PRPH: variants seen among roughly 807,000 people sequenced by gnomAD.
The protein encoded by PRPH is peripherin.
PRPH carries 48 observed loss-of-function variants against 52.6 expected under a neutral mutation model. The observed-to-expected ratio is 0.91, with a 90% CI of 0.72 to 1.16. The LOEUF is 1.16. Ranked by LOEUF, PRPH falls within the 50% of genes most tolerant of loss-of-function variation. The probability of loss-of-function intolerance (pLI) is 0.00; values close to 1 mark genes in which losing one functional copy is unlikely to be tolerated. For missense variants in PRPH, 579 were observed against 635.7 expected (o/e 0.91, Z 0.96); for synonymous variants, 279 against 283.8 (o/e 0.98, Z 0.17).
In PRPH at chr12:49,296,503, G is replaced by C; in HGVS notation, c.678G>C (p.Glu226Asp). ...TTGAGTCTCTGATGGATGAGATTGAGTTCCTCAAGAAGCTGCACGAGGAGG... is the reference window on the plus strand; with the variant it reads ...TTGAGTCTCTGATGGATGAGATTGACTTCCTCAAGAAGCTGCACGAGGAGG... ...RKIESLMDEI[E>D]FLKKLHEEEL... Residue 226 changes from glutamate (E) to aspartate (D), a missense_variant, in exon 3 of 9, where the codon GAG (glutamate) becomes GAC (aspartate). Transcript: ENST00000257860. The surrounding 1 kb of genome is among the most constrained non-coding windows in gnomAD (Gnocchi z 5.1). 1 of 1,614,194 alleles carries C rather than the reference G, an allele frequency of 6.2e-7. No homozygotes were observed. The highest frequency in any genetic ancestry group is 8.5e-7 in the Non-Finnish European group (1 of 1,180,034).
Position 49,295,240 on chromosome 12 carries a change from T to C in PRPH, c.40T>C (p.Ser14Pro), listed in dbSNP as rs778105468. 3.7e-6 allele frequency: 6 copies of C among 1,611,388 alleles called. 1 individual carries two copies. The highest frequency in any genetic ancestry group is 5.1e-6 in the Non-Finnish European group (6 of 1,179,502). Residue 14 changes from serine (S) to proline (P), a missense_variant, in exon 1 of 9, where the codon TCC becomes CCC. Transcript: ENST00000257860. ...GTCGGGCCTCCGGGCCGGCTTCAGC[T>C]CCACCTCATACCGCCGTACCTTCGG... is the stretch of plus-strand genomic sequence containing the variant. ...HPSGLRAGFSSTSYRRTFGPP... is the reference protein window; with the variant it reads ...HPSGLRAGFSPTSYRRTFGPP...
rs1943186580 is a variant in PRPH, at chr12:49,296,740, G to A, written c.703-149G>A. On this transcript the variant is annotated intron_variant, in intron 3 of 8. Transcript: ENST00000257860. The surrounding 1 kb of genome is among the most constrained non-coding windows in gnomAD (Gnocchi z 5.1). ...CCTCCGAAACCTGGCCTCTGGTCTC[G>A]CGCCCGCGGGGGCGCAGGGCTGTAC... is the stretch of plus-strand genomic sequence containing the variant. 2 of 1,329,582 alleles carry A rather than the reference G, an allele frequency of 1.5e-6. No homozygotes were observed. Among genetic ancestry groups the A allele is most frequent in the Non-Finnish European group, 2.0e-6 (2 of 977,008 alleles). 82.4% of individuals were successfully genotyped at this position (1,329,582 alleles called of 1,614,324 possible).
At position 49,296,256 on chromosome 12, in the gene PRPH, T is replaced by A. The variant is rs1157930994; in HGVS notation, c.606+18T>A. On this transcript the variant is annotated intron_variant, in intron 2 of 8. Transcript: ENST00000257860. This position sits in a 1 kb window ranked among gnomAD's most constrained non-coding sequence, Gnocchi z 5.1. ...TCCGCAAGGTGAGTCCGAGCCCCTC[T>A]CCGAGTTCAGCCTCCCCACCGCTAC... 2 of 1,612,292 alleles carry A rather than the reference T, an allele frequency of 1.2e-6. No individual in the cohort carries two copies. The highest frequency in any genetic ancestry group is 3.3e-5 in the Admixed American group (2 of 59,822).
At position 49,298,390 on chromosome 12, in the gene PRPH, T is replaced by C; in HGVS notation, c.*37T>C. 1 of 1,608,610 alleles carries C rather than the reference T, an allele frequency of 6.2e-7. No individual in the cohort carries two copies. Among genetic ancestry groups the C allele is most frequent in the Non-Finnish European group, 8.5e-7 (1 of 1,175,220 alleles). On this transcript the variant is annotated 3_prime_UTR_variant, in exon 9 of 9. Coordinates refer to ENST00000257860, the MANE Select transcript of PRPH (RefSeq NM_006262.4). The stretch of plus-strand genomic sequence containing the variant: ...CGGAGCCTTGACTCTGCCCTAGGCC[T>C]GCTCAAAGCCCAAACCCTAAGACCA...
Position 49,296,608 on chromosome 12 carries a change from G to A in PRPH, c.702+81G>A, listed in dbSNP as rs1177492454. ...AGCTGGCGGGTGGAGCGGAGGCATC[G>A]CCCTGGGGATCAGGACGATGCTGGG... On this transcript the variant is annotated intron_variant, in intron 3 of 8. Transcript: ENST00000257860. The surrounding 1 kb of genome is among the most constrained non-coding windows in gnomAD (Gnocchi z 5.1). 2 of 1,352,082 alleles carry A rather than the reference G, an allele frequency of 1.5e-6. No individual in the cohort carries two copies. The highest frequency in any genetic ancestry group is 1.4e-5 in the African/African-American group (1 of 69,742). 83.8% of individuals were successfully genotyped at this position (1,352,082 alleles called of 1,614,324 possible). A position where few individuals can be genotyped will look rare whatever the true frequency, so the allele number is the denominator to read the frequency against.
Position 49,298,363 on chromosome 12 carries a change from T to C in PRPH, c.*10T>C, listed in dbSNP as rs1483326561. 1.9e-6 allele frequency: 3 copies of C among 1,614,112 alleles called. No individual in the cohort carries two copies. The East Asian group carries it at 6.7e-5, about 36-fold the overall frequency. ...TGCCCACAGTTACTGAACCCCTTGG[T>C]CCGGAGCCTTGACTCTGCCCTAGGC... On this transcript the variant is annotated 3_prime_UTR_variant, in exon 9 of 9. Transcript: ENST00000257860.
Position 49,297,794 on chromosome 12 carries a change from T to A in PRPH, c.1267+68T>A. On this transcript the variant is annotated intron_variant, in intron 7 of 8. Coordinates refer to ENST00000257860, the MANE Select transcript of PRPH (RefSeq NM_006262.4). The surrounding 1 kb of genome is among the most constrained non-coding windows in gnomAD (Gnocchi z 4.4). The stretch of plus-strand genomic sequence containing the variant: ...GCCCTCCTCGGGCTCTTGCTCTGGC[T>A]CACCTCAGGGATCTCTTCTCCCCAC... 6.2e-7 allele frequency: 1 copy of A among 1,608,938 alleles called. No individual in the cohort carries two copies. The highest frequency in any genetic ancestry group is 8.5e-7 in the Non-Finnish European group (1 of 1,175,672).
Position 49,296,671 on chromosome 12 carries a change from G to C in PRPH, c.702+144G>C. The C allele has an allele frequency of 9.1e-7, 1 of 1,098,656 alleles. No individual in the cohort carries two copies. Among genetic ancestry groups the C allele is most frequent in the Non-Finnish European group, 1.3e-6 (1 of 750,858 alleles). The allele number at this position is 1,098,656 out of a possible 1,614,324, so 68.1% of individuals were successfully genotyped here. ...CTCCACCCTAGTCTACAGGTGGTTA[G>C]ACTCCCACCCTTGCGCCACCTGGCG... On this transcript the variant is annotated intron_variant, in intron 3 of 8. Coordinates refer to ENST00000257860, the MANE Select transcript of PRPH (RefSeq NM_006262.4). This position sits in a 1 kb window ranked among gnomAD's most constrained non-coding sequence, Gnocchi z 5.1.
chr12:49,295,906 C>CAGCA lies in PRPH; in HGVS notation c.545+161_545+162insAGCA, dbSNP rs1347932444. 2.2e-4 allele frequency: 319 copies of CAGCA among 1,442,038 alleles called. 1 individual carries two copies. The African/African-American group carries it at 4.1e-3, about 19-fold the overall frequency. 89.3% of individuals were successfully genotyped at this position (1,442,038 alleles called of 1,614,324 possible). A position where few individuals can be genotyped will look rare whatever the true frequency, so the allele number is the denominator to read the frequency against. ...TGCGGGCAGCATCCCTGCCCACGGG[C>CAGCA]TCCAAGTGCCCCCCGCTACCCCTTT... On this transcript the variant is annotated intron_variant, in intron 1 of 8. Transcript: ENST00000257860.
chr12:49,298,162 G>C (rs1311970188), intron 8 of PRPH, 125 bp downstream of exon 8: 17 of 1,470,156 alleles, frequency 1.2e-5, no homozygotes, highest in Non-Finnish European at 1.5e-5. Flanking sequence ...AGGAGACAGA[G>C]AACGTGGATA....
Position 49,298,401 on chromosome 12 carries a change from C to A in PRPH, c.*48C>A. On this transcript the variant is annotated 3_prime_UTR_variant, in exon 9 of 9. Coordinates refer to ENST00000257860, the MANE Select transcript of PRPH (RefSeq NM_006262.4). ...CTCTGCCCTAGGCCTGCTCAAAGCC[C>A]AAACCCTAAGACCACTCCTGAATTG... The A allele has an allele frequency of 6.3e-7, 1 of 1,596,054 alleles. No homozygotes were observed. The highest frequency in any genetic ancestry group is 8.6e-7 in the Non-Finnish European group (1 of 1,164,186).
Position 49,297,727 on chromosome 12 carries a change from G to C in PRPH, c.1267+1G>C. On this transcript the variant is annotated splice_donor_variant, in intron 7 of 8. Coordinates refer to ENST00000257860, the MANE Select transcript of PRPH (RefSeq NM_006262.4). LOFTEE classifies it high-confidence loss of function. This position sits in a 1 kb window ranked among gnomAD's most constrained non-coding sequence, Gnocchi z 4.4. ...GCCTCCTTAAATATAAAGACGACTG[G>C]TGAGTCTGGCTTACAGCCTGTACCT... 1 of 1,610,634 alleles carries C rather than the reference G, an allele frequency of 6.2e-7. No individual in the cohort carries two copies. The highest frequency in any genetic ancestry group is 1.1e-5 in the South Asian group (1 of 91,088).
chr12:49,297,819 C>T lies in PRPH; in HGVS notation c.1267+93C>T, dbSNP rs986947393. ...TCACCTCAGGGATCTCTTCTCCCCA[C>T]GGAACTTCTGGGTCCTGGCCTGTAC... On this transcript the variant is annotated intron_variant, in intron 7 of 8. Coordinates refer to ENST00000257860, the MANE Select transcript of PRPH (RefSeq NM_006262.4). This position sits in a 1 kb window ranked among gnomAD's most constrained non-coding sequence, Gnocchi z 4.4. 18 of 1,598,454 alleles carry T rather than the reference C, an allele frequency of 1.1e-5. No homozygotes were observed. In the South Asian group the frequency reaches 1.2e-4, roughly 11 times the overall value.
chr12:49,296,083 G>A lies in PRPH; in HGVS notation c.546-95G>A. ...CCTCCATTTAGAGTCCTGGGCAGCA[G>A]AACAGCCTCTAACCGGATCCTGGGG... On this transcript the variant is annotated intron_variant, in intron 1 of 8. Coordinates refer to ENST00000257860, the MANE Select transcript of PRPH (RefSeq NM_006262.4). This position sits in a 1 kb window ranked among gnomAD's most constrained non-coding sequence, Gnocchi z 5.1. 1 of 1,417,802 alleles carries A rather than the reference G, an allele frequency of 7.1e-7. No individual in the cohort carries two copies. The highest frequency in any genetic ancestry group is 1.4e-5 in the African/African-American group (1 of 70,950). 87.8% of individuals were successfully genotyped at this position (1,417,802 alleles called of 1,614,324 possible). A position where few individuals can be genotyped will look rare whatever the true frequency, so the allele number is the denominator to read the frequency against.
Position 49,295,192 on chromosome 12 carries a change from T to C in PRPH, c.-9T>C. The C allele has an allele frequency of 2.5e-6, 4 of 1,610,472 alleles. No individual in the cohort carries two copies. Among genetic ancestry groups the C allele is most frequent in the Non-Finnish European group, 3.4e-6 (4 of 1,179,280 alleles). ...CTCTGCGAACGGTGACTGCCCATCC[T>C]TGGCCGCAATGAGCCACCACCCGTC... On this transcript the variant is annotated 5_prime_UTR_variant, in exon 1 of 9. Coordinates refer to ENST00000257860, the MANE Select transcript of PRPH (RefSeq NM_006262.4).
Position 49,298,385 on chromosome 12 carries a change from A to C in PRPH, c.*32A>C, listed in dbSNP as rs1478231055. On this transcript the variant is annotated 3_prime_UTR_variant, in exon 9 of 9. Transcript: ENST00000257860. ...TGGTCCGGAGCCTTGACTCTGCCCT[A>C]GGCCTGCTCAAAGCCCAAACCCTAA... The C allele has an allele frequency of 6.2e-7, 1 of 1,612,442 alleles. No individual in the cohort carries two copies. The highest frequency in any genetic ancestry group is 8.5e-7 in the Non-Finnish European group (1 of 1,178,640).
At position 49,296,964 on chromosome 12, in the gene PRPH, G is replaced by A; in HGVS notation, c.778G>A (p.Glu260Lys). The A allele has an allele frequency of 6.2e-7, 1 of 1,613,754 alleles. No individual in the cohort carries two copies. Among genetic ancestry groups the A allele is most frequent in the South Asian group, 1.1e-5 (1 of 91,078 alleles). ...QVEVEATVKPELTAALRDIRA... is the reference protein window; with the variant it reads ...QVEVEATVKPKLTAALRDIRA... ...GGAGGTGGAAGCCACGGTGAAGCCCGAGCTGACGGCAGCGCTGAGGGACAT... is the reference window on the plus strand; with the variant it reads ...GGAGGTGGAAGCCACGGTGAAGCCCAAGCTGACGGCAGCGCTGAGGGACAT... The change falls in exon 4 of 9, where the codon GAG (glutamate) becomes AAG (lysine). Residue 260 changes from glutamate (E) to lysine (K), a missense_variant. Physicochemically the swap from Glu to Lys is moderately conservative, Grantham distance 56. Transcript: ENST00000257860. This position sits in a 1 kb window ranked among gnomAD's most constrained non-coding sequence, Gnocchi z 5.1.
chr12:49,295,362 G>A lies in PRPH; in HGVS notation c.162G>A (p.Ser54=). Residue 54 remains serine (S), a synonymous_variant, in exon 1 of 9, where the codon TCG becomes TCA. Coordinates refer to ENST00000257860, the MANE Select transcript of PRPH (RefSeq NM_006262.4). ...TGGGCTCCGCGTCCCCGAGCTCCTC[G>A]GTGCGCCTGGGCAGCTTCCGTAGCC... The part of the protein sequence containing the change: ...RLLGSASPSS[S]VRLGSFRSPR... 2 of 1,609,578 alleles carry A rather than the reference G, an allele frequency of 1.2e-6. No homozygotes were observed. Among genetic ancestry groups the A allele is most frequent in the South Asian group, 1.1e-5 (1 of 90,558 alleles).
chr12:49,298,184 G>A, intron 8 of PRPH, 104 bp from the exon 9 acceptor site: 1 of 1,497,640 alleles, frequency 6.7e-7, no homozygotes, highest in Non-Finnish European at 9.2e-7. Context: ...ATAACCAGGA[G>A]CCTCTGCTGG....
Sources: gnomAD v4.1 joint callset for allele counts on GRCh38, gnomAD v4.1.1 for gene constraint, Gnocchi (gnomAD v3.1) non-coding constraint, MANE v1.5 for transcripts, NCBI Gene and HGNC (gene_info 2026-07-23, HGNC 2026-07-21) for gene names.